The following PKD2 variants were observed in gnomAD, a reference collection of about 807,000 sequenced individuals.
The protein encoded by PKD2 is polycystin-2.
A neutral mutation model predicts 105.9 loss-of-function variants in PKD2; 48 were observed. The observed-to-expected ratio is 0.45, with a 90% CI of 0.36 to 0.58. PKD2 has a LOEUF of 0.58. Ranked by LOEUF, PKD2 falls within the 20% of genes least tolerant of loss-of-function variation. PKD2 has a pLI of 0.00. For missense variants in PKD2, 1,078 were observed against 1,255.3 expected (o/e 0.86, Z 2.13); for synonymous variants, 464 against 481.1 (o/e 0.96, Z 0.46).
At chr4:88,045,784 T>TA (rs11371575) in intron 5 of PKD2, among the ~76,000 whole-genome samples, 23,023 of 152,070 alleles carry the variant, frequency 0.15, 4,103 homozygotes, top group African/African-American at 0.43. Context: ...ACCTATTAAC[T>TA]ATAAGGCTCT....
chr4:88,053,331 G>A (rs982440926), intron 7 of PKD2, among the ~76,000 whole-genome samples: 1 of 152,058 alleles, frequency 6.6e-6, no homozygotes, highest in East Asian at 1.9e-4. Flanking sequence ...TTTCTGAGTT[G>A]GTATTCATAC....
intron 2 of PKD2, among the ~76,000 whole-genome samples, chr4:88,029,073 C>T (rs551348104): frequency 1.3e-5 from 2 of 152,302 alleles, no homozygotes; most frequent in Admixed American, 6.5e-5. Context: ...ATTGATTCTG[C>T]AGCCTCACTT....
At chr4:88,014,133 C>A (rs1362368478) in intron 1 of PKD2, among the ~76,000 whole-genome samples, 1 of 152,170 alleles carries the variant, frequency 6.6e-6, no homozygotes, top group African/African-American at 2.4e-5. Context: ...ACCATCAGAA[C>A]TGTGGAACCA....
chr4:88,011,710 G>T (rs894546368), intron 1 of PKD2, among the ~76,000 whole-genome samples: 2 of 152,132 alleles, frequency 1.3e-5, no homozygotes, highest in African/African-American at 4.8e-5. Flanking sequence ...CTTAAAAAAA[G>T]ATTTGAACAT....
At position 88,074,707 on chromosome 4, in the gene PKD2, T is replaced by C. The variant is rs535343828; in HGVS notation, c.2523-105T>C. On this transcript the variant is annotated intron_variant, in intron 13 of 14. Coordinates refer to ENST00000237596, the MANE Select transcript of PKD2 (RefSeq NM_000297.4). ...CAACTTAGAAAGTGTTTCAAATGAT[T>C]GTGTTGCTTAAGAAAAAAATCTTAG... 9.8e-5 allele frequency: 114 copies of C among 1,163,306 alleles called. No individual in the cohort carries two copies. In the African/African-American group the frequency reaches 1.4e-3, roughly 14 times the overall value. The allele number at this position is 1,163,306 out of a possible 1,614,324, so 72.1% of individuals were successfully genotyped here. A position where few individuals can be genotyped will look rare whatever the true frequency, so the allele number is the denominator to read the frequency against.
intron 1 of PKD2, among the ~76,000 whole-genome samples, chr4:88,012,463 C>T (rs1726415199): frequency 2.0e-5 from 1 of 50,926 alleles, no homozygotes; most frequent in Non-Finnish European, 3.5e-5. Context: ...TTAGGACATG[C>T]AGGATAATCA....
chr4:88,042,272 G>A (rs1057430076), intron 4 of PKD2, among the ~76,000 whole-genome samples: 3 of 152,202 alleles, frequency 2.0e-5, no homozygotes, highest in Non-Finnish European at 4.4e-5. Context: ...CACGTCTTAC[G>A]TGGATGGCAG....
At position 88,008,223 on chromosome 4, in the gene PKD2, T is replaced by C; in HGVS notation, c.490T>C (p.Cys164Arg). Residue 164 changes from cysteine to arginine, a missense_variant, in exon 1 of 15, where the codon TGC (cysteine) becomes CGC (arginine). This residue lies in a region of PKD2 where 868 missense variants were observed against 1,067.3 expected (regional missense o/e 0.81). Transcript: ENST00000237596. ...RRRREDQGPP[C>R]PSPVGGGDPL... Reference sequence around the variant, plus strand: ...CCGGCGAGAGGACCAGGGCCCGCCGTGCCCCAGCCCAGTCGGCGGCGGGGA... The same window carrying C: ...CCGGCGAGAGGACCAGGGCCCGCCGCGCCCCAGCCCAGTCGGCGGCGGGGA... The C allele has an allele frequency of 1.4e-6, 2 of 1,412,298 alleles. No homozygotes were observed. Among genetic ancestry groups the C allele is most frequent in the Admixed American group, 2.9e-5 (1 of 34,382 alleles). The allele number at this position is 1,412,298 out of a possible 1,614,324, so 87.5% of individuals were successfully genotyped here. A position where few individuals can be genotyped will look rare whatever the true frequency, so the allele number is the denominator to read the frequency against.
chr4:88,039,031 A>G (rs1010433614), intron 4 of PKD2, among the ~76,000 whole-genome samples: 1 of 152,172 alleles, frequency 6.6e-6, no homozygotes, highest in Non-Finnish European at 1.5e-5. Flanking sequence ...CTTTTTGTAC[A>G]CTTTGGTACT....
At chr4:88,047,584 T>C (rs1727824137) in intron 6 of PKD2, among the ~76,000 whole-genome samples, 1 of 151,864 alleles carries the variant, frequency 6.6e-6, no homozygotes, top group Admixed American at 6.6e-5. Flanking sequence ...AAAAGAAAAA[T>C]CATCCTGAAA....
In PKD2 at chr4:88,009,703, G is replaced by T. The variant is rs1201371969; in HGVS notation, c.595+1375G>T. Among the ~76,000 whole-genome samples, 3 of 152,240 alleles carry T rather than the reference G, an allele frequency of 2.0e-5. No homozygotes were observed. In the East Asian group the frequency reaches 5.8e-4, roughly 29 times the overall value. ...GATGGGGAACAGAAGATCCTTTTCGGATAACCTGTGTGAGTAAATTAATAA... is the reference window on the plus strand; with the variant it reads ...GATGGGGAACAGAAGATCCTTTTCGTATAACCTGTGTGAGTAAATTAATAA... On this transcript the variant is annotated intron_variant, in intron 1 of 14. Coordinates refer to ENST00000237596, the MANE Select transcript of PKD2 (RefSeq NM_000297.4).
chr4:88,015,456 A>G (rs1394994365), intron 1 of PKD2, among the ~76,000 whole-genome samples: 1 of 152,258 alleles, frequency 6.6e-6, no homozygotes, highest in Non-Finnish European at 1.5e-5. Context: ...TCTTTTGCCC[A>G]GGTTGGAGTG....
In PKD2 at chr4:88,023,608, T is replaced by C. The variant is rs140747605; in HGVS notation, c.709+4037T>C. On this transcript the variant is annotated intron_variant, in intron 2 of 14. Coordinates refer to ENST00000237596, the MANE Select transcript of PKD2 (RefSeq NM_000297.4). ...ACAGACCTGAGTTAAAATCCCAGCT[T>C]CACTGCTAACATGCTAGGTAAATGT... Among the ~76,000 whole-genome samples, 373 of 152,334 alleles carry C rather than the reference T, an allele frequency of 2.4e-3. 3 individuals carry two copies. Among genetic ancestry groups the C allele is most frequent in the African/African-American group, 8.6e-3 (358 of 41,566 alleles).
At chr4:88,073,414 T>C (rs1028582780) in intron 13 of PKD2, among the ~76,000 whole-genome samples, 6 of 151,764 alleles carry the variant, frequency 4.0e-5, no homozygotes, top group African/African-American at 1.5e-4. Flanking sequence ...TAGTCCCAGC[T>C]ACTCGGGAGG....
intron 2 of PKD2, among the ~76,000 whole-genome samples, chr4:88,032,695 A>G (rs1426636251): frequency 6.6e-6 from 1 of 152,200 alleles, no homozygotes. Flanking sequence ...AGTGAATGCT[A>G]CCTTCCAAGT....
intron 1 of PKD2, among the ~76,000 whole-genome samples, chr4:88,017,554 C>T (rs1019773742): frequency 6.6e-5 from 10 of 152,064 alleles, no homozygotes; most frequent in Non-Finnish European, 7.4e-5. Flanking sequence ...GGATTACAGG[C>T]GCCCGCCACC....
Position 88,036,307 on chromosome 4 carries a change from A to G in PKD2, c.797A>G (p.Glu266Gly). 1.2e-6 allele frequency: 2 copies of G among 1,614,124 alleles called. No homozygotes were observed. Among genetic ancestry groups the G allele is most frequent in the Non-Finnish European group, 1.7e-6 (2 of 1,179,974 alleles). ...CTAGACACCCCCGTGTCCAAAACGGAGAAAACTAACTTTAAAACTCTGTCT... is the reference window on the plus strand; with the variant it reads ...CTAGACACCCCCGTGTCCAAAACGGGGAAAACTAACTTTAAAACTCTGTCT... Reference protein sequence around the residue: ...LFLDTPVSKTEKTNFKTLSSM... With the variant: ...LFLDTPVSKTGKTNFKTLSSM... Residue 266 changes from glutamate to glycine, a missense_variant, in exon 3 of 15, where the codon GAG becomes GGG. Physicochemically the swap from Glu to Gly is moderately conservative, Grantham distance 98 (BLOSUM62 -2). Around this residue, in one of 2 missense-constraint regions of PKD2, gnomAD observed 868 missense variants for 1,067.3 expected, o/e 0.81. Coordinates refer to ENST00000237596, the MANE Select transcript of PKD2 (RefSeq NM_000297.4).
intron 10 of PKD2, 47 bp from the exon 11 acceptor site, chr4:88,065,327 A>C (rs921839100): frequency 1.3e-6 from 2 of 1,574,196 alleles, no homozygotes; most frequent in Non-Finnish European, 1.7e-6. Context: ...CAGATGCAAA[A>C]GGAGAATACA....
At chr4:88,012,489 T>C (rs768677800) in intron 1 of PKD2, among the ~76,000 whole-genome samples, 23 of 152,316 alleles carry the variant, frequency 1.5e-4, no homozygotes, top group Non-Finnish European at 2.8e-4. Context: ...ACACAGTCCG[T>C]GTATCCAGAA....
Sources: allele counts gnomAD v4.1 joint callset (sites outside exome capture counted in the v4.1 genomes callset), GRCh38; gene constraint gnomAD v4.1.1; regional missense constraint gnomAD v4.1.1; transcripts MANE v1.5; gene names NCBI Gene and HGNC (gene_info 2026-07-23, HGNC 2026-07-21).